The following CFAP54 variants were observed in gnomAD, a reference collection of about 807,000 sequenced individuals.
CFAP54 encodes the protein cilia and flagella associated protein 54.
Under a neutral mutation model 370.4 loss-of-function variants are expected in CFAP54, and 290 were observed. The observed-to-expected ratio is 0.78, with a 90% CI of 0.71 to 0.86. CFAP54 has a LOEUF of 0.86. Ranked by LOEUF, CFAP54 falls within the 40% of genes least tolerant of loss-of-function variation. The pLI, the probability that CFAP54 is intolerant of heterozygous loss-of-function variation, is 0.00. For missense variants in CFAP54, 3,399 were observed against 3,528.7 expected (o/e 0.96, Z 0.93); for synonymous variants, 1,206 against 1,236.5 (o/e 0.98, Z 0.52).
chr12:96,874,774 C>T (rs1004518610), intron 67 of CFAP54, among the ~76,000 whole-genome samples: 2 of 150,950 alleles, frequency 1.3e-5, no homozygotes, highest in African/African-American at 4.9e-5. Flanking sequence ...GGACTACAGG[C>T]GCCCGCCACT....
intron 46 of CFAP54, among the ~76,000 whole-genome samples, chr12:96,701,505 A>G (rs935582791): frequency 1.3e-5 from 2 of 152,144 alleles, no homozygotes; most frequent in African/African-American, 2.4e-5. Flanking sequence ...CATTAAGCAC[A>G]TAAGTATATG....
intron 51 of CFAP54, among the ~76,000 whole-genome samples, chr12:96,741,231 G>T (rs1400428496): frequency 6.6e-6 from 1 of 152,082 alleles, no homozygotes; most frequent in Non-Finnish European, 1.5e-5. Context: ...CAGTGGCACA[G>T]TGTCGGCTTA....
intron 17 of CFAP54, among the ~76,000 whole-genome samples, chr12:96,555,372 C>T (rs1202692811): frequency 1.3e-5 from 2 of 151,712 alleles, no homozygotes; most frequent in African/African-American, 4.8e-5. Flanking sequence ...TGTAGACACA[C>T]TGCTGATTGG....
intron 6 of CFAP54, among the ~76,000 whole-genome samples, chr12:96,521,636 CT>C (rs1248352690): frequency 6.6e-6 from 1 of 151,440 alleles, no homozygotes; most frequent in East Asian, 1.9e-4. Context: ...TTCAGCTTTC[CT>C]TTTTAAAATT....
chr12:96,828,903 AG>A (rs753733892), intron 65 of CFAP54, 110 bp from the exon 66 acceptor site: 147 of 519,694 alleles, frequency 2.8e-4, no homozygotes, highest in Non-Finnish European at 4.0e-4. Context: ...CTGGGAACAA[AG>A]GTTAGGTAAT....
intron 50 of CFAP54, among the ~76,000 whole-genome samples, chr12:96,728,086 C>T (rs944488177): frequency 6.6e-6 from 1 of 152,198 alleles, no homozygotes; most frequent in Non-Finnish European, 1.5e-5. Context: ...GTAACCCAAC[C>T]TTTCTCTCTG....
At chr12:96,635,598 G>A (rs1956655383) in intron 32 of CFAP54, among the ~76,000 whole-genome samples, 1 of 152,104 alleles carries the variant, frequency 6.6e-6, no homozygotes, top group Non-Finnish European at 1.5e-5. Context: ...ACAGTTAGCA[G>A]CACATCCCAC....
rs1263375131 is a variant in CFAP54, at chr12:96,654,771, C to G, written c.5100+2956C>G. Among the ~76,000 whole-genome samples, 7 of 151,114 alleles carry G rather than the reference C, an allele frequency of 4.6e-5. No individual in the cohort carries two copies. The Admixed American group carries it at 4.6e-4, about 10-fold the overall frequency. ...ACCTCCATATGTTCACATTTTTTAG[C>G]TGCCACATGTAAGTGAGAGCATACA... On this transcript the variant is annotated intron_variant, in intron 36 of 67. Transcript: ENST00000524981.
intron 28 of CFAP54, among the ~76,000 whole-genome samples, chr12:96,625,133 T>C (rs915428866): frequency 6.6e-6 from 1 of 152,206 alleles, no homozygotes; most frequent in Non-Finnish European, 1.5e-5. Flanking sequence ...TGCCAGTCAC[T>C]ATTTTACAAA....
intron 19 of CFAP54, among the ~76,000 whole-genome samples, chr12:96,571,331 C>A (rs1004082965): frequency 1.3e-5 from 2 of 152,168 alleles, no homozygotes; most frequent in Non-Finnish European, 2.9e-5. Context: ...GTTTTGGTGG[C>A]ACATTGCAGT....
intron 32 of CFAP54, among the ~76,000 whole-genome samples, chr12:96,635,146 A>G (rs1437454546): frequency 6.6e-6 from 1 of 152,200 alleles, no homozygotes; most frequent in Non-Finnish European, 1.5e-5. Context: ...GTACCATTTC[A>G]TATACATTTT....
chr12:96,613,397 A>G (rs564602758), intron 26 of CFAP54, among the ~76,000 whole-genome samples: 1 of 152,334 alleles, frequency 6.6e-6, no homozygotes, highest in Admixed American at 6.5e-5. Flanking sequence ...TATAGCACTA[A>G]ATGCGCACAA....
At chr12:96,530,994 T>C (rs1955435781) in intron 9 of CFAP54, among the ~76,000 whole-genome samples, 1 of 152,234 alleles carries the variant, frequency 6.6e-6, no homozygotes, top group Non-Finnish European at 1.5e-5. Flanking sequence ...CTAGTGTCTT[T>C]TGTTCACTTT....
At chr12:96,595,133 T>A (rs765890552) in intron 25 of CFAP54, among the ~76,000 whole-genome samples, 1 of 152,192 alleles carries the variant, frequency 6.6e-6, no homozygotes, top group Non-Finnish European at 1.5e-5. Context: ...CTTGAGGTTT[T>A]ACATAGGAGG....
intron 66 of CFAP54, among the ~76,000 whole-genome samples, chr12:96,844,840 G>A (rs1242039105): frequency 6.6e-6 from 1 of 152,042 alleles, no homozygotes; most frequent in African/African-American, 2.4e-5. Flanking sequence ...TGTATGAAAC[G>A]CCCCTGCTCT....
At chr12:96,761,245 T>C (rs567839530) in intron 58 of CFAP54, among the ~76,000 whole-genome samples, 1 of 150,676 alleles carries the variant, frequency 6.6e-6, no homozygotes, top group South Asian at 2.1e-4. Context: ...CATGTGCTTA[T>C]TGGCCATTTG....
In CFAP54 at chr12:96,809,594, T is replaced by C. The variant is rs1325995330; in HGVS notation, c.8851-2142T>C. 4.6e-5 allele frequency among the ~76,000 whole-genome samples: 7 copies of C among 152,310 alleles called. No individual in the cohort carries two copies. In the East Asian group the frequency reaches 1.3e-3, roughly 29 times the overall value. Reference sequence around the variant, plus strand: ...CATTGGAGTTTTCTCCTGATCTTTGTCTTATATCTTATTCTGCAATTTCCC... The same window carrying C: ...CATTGGAGTTTTCTCCTGATCTTTGCCTTATATCTTATTCTGCAATTTCCC... On this transcript the variant is annotated intron_variant, in intron 63 of 67. Transcript: ENST00000524981.
At chr12:96,819,530 G>A (rs1326963961) in intron 65 of CFAP54, among the ~76,000 whole-genome samples, 1 of 152,102 alleles carries the variant, frequency 6.6e-6, no homozygotes, top group Non-Finnish European at 1.5e-5. Flanking sequence ...GATATATATG[G>A]ATTTAGCTCA....
intron 66 of CFAP54, among the ~76,000 whole-genome samples, chr12:96,856,527 C>A (rs144835285): frequency 0.016 from 2,450 of 152,206 alleles, 20 homozygotes; most frequent in Middle Eastern, 0.068. Flanking sequence ...GGCAAAAGGC[C>A]GCCAGTCTCT....
Sources: allele counts gnomAD v4.1 joint callset (sites outside exome capture counted in the v4.1 genomes callset), GRCh38; gene constraint gnomAD v4.1.1; transcripts MANE v1.5; gene names NCBI Gene and HGNC (gene_info 2026-07-23, HGNC 2026-07-21).